The following BFAR variants were observed in gnomAD, a reference collection of about 807,000 sequenced individuals.
BFAR encodes the protein RING finger protein 47.
In BFAR, 52 loss-of-function variants were observed where a neutral mutation model predicts 54.4. That is an observed-to-expected ratio of 0.96 (90% CI 0.77 to 1.21). BFAR has a LOEUF of 1.21. BFAR is among the 50% of genes most tolerant of loss of function. BFAR has a pLI of 0.00. For synonymous variants in BFAR, 215 were observed against 204.3 expected (o/e 1.05, Z -0.45); for missense variants, 571 against 534.0 (o/e 1.07, Z -0.68).
intron 5 of BFAR, among the ~76,000 whole-genome samples, chr16:14,660,348 A>T (rs1245486280): frequency 6.6e-6 from 1 of 152,018 alleles, no homozygotes; most frequent in Non-Finnish European, 1.5e-5. Context: ...TTTCAATGGC[A>T]AGATCTTGGC....
chr16:14,638,852 T>C (rs1019762293), intron 1 of BFAR, among the ~76,000 whole-genome samples: 9 of 151,412 alleles, frequency 5.9e-5, no homozygotes, highest in Non-Finnish European at 7.4e-5. Flanking sequence ...GGCTGAGGCA[T>C]GAGAATTGCT....
chr16:14,654,821 C>T, intron 4 of BFAR, among the ~76,000 whole-genome samples: 1 of 152,274 alleles, frequency 6.6e-6, no homozygotes, highest in African/African-American at 2.4e-5. Flanking sequence ...TCTACAAAAG[C>T]AGCATAATGC....
chr16:14,647,318 TAAGTGATCTGCCCACCTC>T (rs1959828982), intron 2 of BFAR, among the ~76,000 whole-genome samples: 2 of 150,746 alleles, frequency 1.3e-5, no homozygotes, highest in African/African-American at 4.9e-5. Context: ...CTCCTGACCT[TAAGTGATCTGCCCACCTC>T]GGCCTCCCAA....
intron 7 of BFAR, chr16:14,667,314 G>C (rs1240131989): frequency 3.2e-6 from 1 of 315,010 alleles, no homozygotes; most frequent in South Asian, 8.4e-5. Context: ...GCACTCCCAG[G>C]CTGGACAAAG....
At chr16:14,647,747 A>G (rs1352084861) in intron 2 of BFAR, among the ~76,000 whole-genome samples, 1 of 151,918 alleles carries the variant, frequency 6.6e-6, no homozygotes, top group African/African-American at 2.4e-5. Context: ...TGCTCTCTGC[A>G]TGGTTCTGCA....
intron 5 of BFAR, among the ~76,000 whole-genome samples, chr16:14,661,124 G>C (rs1235003193): frequency 6.6e-6 from 1 of 152,138 alleles, no homozygotes; most frequent in Non-Finnish European, 1.5e-5. Context: ...AAATGGCTAT[G>C]TGAATTCCAT....
At chr16:14,663,643 A>AT (rs1207799198) in intron 6 of BFAR, among the ~76,000 whole-genome samples, 1 of 151,966 alleles carries the variant, frequency 6.6e-6, no homozygotes, top group Non-Finnish European at 1.5e-5. Context: ...CATCAGGCTA[A>AT]TTTTTTATCT....
At chr16:14,665,263 G>T in intron 7 of BFAR, 192 bp downstream of exon 7, 3 of 554,050 alleles carry the variant, frequency 5.4e-6, no homozygotes, top group Non-Finnish European at 6.3e-6. Context: ...GGGTTGTGGT[G>T]CTCATTGTTA....
chr16:14,633,891 G>T (rs968017339), intron 1 of BFAR, among the ~76,000 whole-genome samples: 4 of 152,190 alleles, frequency 2.6e-5, no homozygotes, highest in African/African-American at 9.7e-5. Context: ...GGCCTCAAGT[G>T]ACCCACTCGC....
intron 1 of BFAR, chr16:14,633,404 G>A (rs1959325395): frequency 6.6e-6 from 1 of 152,534 alleles, no homozygotes; most frequent in Non-Finnish European, 1.5e-5. Flanking sequence ...AGGAGCGCTT[G>A]CCACACCCTG....
At chr16:14,647,823 G>T (rs1036268441) in intron 2 of BFAR, among the ~76,000 whole-genome samples, 1 of 152,170 alleles carries the variant, frequency 6.6e-6, no homozygotes, top group Non-Finnish European at 1.5e-5. Flanking sequence ...TAGTGATCCA[G>T]CAAATGCATT....
chr16:14,634,183 T>C (rs1173901346), intron 1 of BFAR, among the ~76,000 whole-genome samples: 1 of 152,082 alleles, frequency 6.6e-6, no homozygotes, highest in East Asian at 1.9e-4. Context: ...ATGCTCCAAA[T>C]CGCCAATAGG....
At position 14,662,039 on chromosome 16, in the gene BFAR, G is replaced by C. The variant is rs778410306; in HGVS notation, c.931G>C (p.Gly311Arg). ...TICPLQEDSS[G>R]EDIVTKLLDL... ...CTGCCCTCTGCAAGAAGACAGCTCT[G>C]GGGAGGACATCGTCACCAAGCTTCT... is the stretch of plus-strand genomic sequence containing the variant. The change falls in exon 6 of 8, where the codon GGG becomes CGG. Residue 311 changes from glycine to arginine, a missense_variant. Physicochemically the swap from Gly to Arg is moderately radical, Grantham distance 125. Coordinates refer to ENST00000261658, the MANE Select transcript of BFAR (RefSeq NM_016561.3). 3.7e-6 allele frequency: 6 copies of C among 1,614,110 alleles called. No individual in the cohort carries two copies. Among genetic ancestry groups the C allele is most frequent in the Non-Finnish European group, 5.1e-6 (6 of 1,180,010 alleles).
At chr16:14,651,880 ATTTTTT>A (rs35251866) in intron 4 of BFAR, among the ~76,000 whole-genome samples, 2 of 111,156 alleles carry the variant, frequency 1.8e-5, no homozygotes, top group Admixed American at 1.1e-4. Context: ...GACATGCCCA[ATTTTTT>A]TTTTTTTTTT....
At position 14,664,973 on chromosome 16, in the gene BFAR, C is replaced by G; in HGVS notation, c.1062C>G (p.Val354=). ...AGTTTGCTTGGGACTGGTTGGAGGT[C>G]CATTACTGGACATCACGGTTTCTCA... ...IAEFAWDWLE[V]HYWTSRFLII... The change falls in exon 7 of 8, where the codon GTC becomes GTG. Residue 354 remains valine, a synonymous_variant. Coordinates refer to ENST00000261658, the MANE Select transcript of BFAR (RefSeq NM_016561.3). The G allele has an allele frequency of 6.2e-7, 1 of 1,613,856 alleles. No homozygotes were observed. Among genetic ancestry groups the G allele is most frequent in the Non-Finnish European group, 8.5e-7 (1 of 1,179,730 alleles).
intron 7 of BFAR, 153 bp downstream of exon 7, chr16:14,665,224 T>C (rs1475550656): frequency 1.1e-5 from 8 of 718,038 alleles, no homozygotes; most frequent in Admixed American, 8.6e-5. Flanking sequence ...AAGCAGTGAA[T>C]AGGACAATTA....
chr16:14,654,006 CTTTTTTTT>C (rs776274046), intron 4 of BFAR, among the ~76,000 whole-genome samples: 10 of 121,482 alleles, frequency 8.2e-5, no homozygotes, highest in Non-Finnish European at 1.5e-4. Context: ...CATCTAAGAA[CTTTTTTTT>C]TTTTTTTTTT....
At position 14,648,578 on chromosome 16, in the gene BFAR, T is replaced by G. The variant is rs1251160273; in HGVS notation, c.454T>G (p.Leu152Val). 1 of 1,613,596 alleles carries G rather than the reference T, an allele frequency of 6.2e-7. No individual in the cohort carries two copies. Among genetic ancestry groups the G allele is most frequent in the Non-Finnish European group, 8.5e-7 (1 of 1,179,582 alleles). Reference protein sequence around the residue: ...GGFFSGVLTALTGVAVVLLVY... With the variant: ...GGFFSGVLTAVTGVAVVLLVY... ...ATTCTTTTCCGGTGTGCTCACAGCT[T>G]TAACTGGAGTGGCAGTAAGTTGATC... Residue 152 changes from leucine to valine, a missense_variant, in exon 3 of 8, where the codon TTA (leucine) becomes GTA (valine). Coordinates refer to ENST00000261658, the MANE Select transcript of BFAR (RefSeq NM_016561.3).
chr16:14,658,327 A>G (rs1339770193), intron 5 of BFAR, among the ~76,000 whole-genome samples: 1 of 152,066 alleles, frequency 6.6e-6, no homozygotes, highest in East Asian at 1.9e-4. Context: ...ATGCAAAGGA[A>G]CTTTCTGTCC....
Sources: allele counts gnomAD v4.1 joint callset (sites outside exome capture counted in the v4.1 genomes callset), GRCh38; gene constraint gnomAD v4.1.1; transcripts MANE v1.5; gene names NCBI Gene and HGNC (gene_info 2026-07-23, HGNC 2026-07-21).